DAGLA: variants seen among roughly 807,000 people sequenced by gnomAD.
DAGLA encodes the protein diacylglycerol lipase-alpha.
In DAGLA, 22 loss-of-function variants were observed where a neutral mutation model predicts 102.6. The ratio of observed to expected loss-of-function variants is 0.21; its 90% CI spans 0.15 to 0.31. The LOEUF (loss-of-function observed/expected upper bound fraction) is 0.31, where lower values mean the gene tolerates loss of function less well. Among genes scored for constraint, DAGLA ranks in the 10% least tolerant of loss-of-function variants. DAGLA has a pLI of 1.00. For missense variants in DAGLA, 927 were observed against 1,446.6 expected, an observed-to-expected ratio of 0.64 and a Z score of 5.83; for synonymous variants, 578 against 628.9, an observed-to-expected ratio of 0.92 and a Z score of 1.21.
intron 5 of DAGLA, 124 bp downstream of exon 5, chr11:61,723,696 G>A: frequency 7.8e-7 from 1 of 1,287,528 alleles, no homozygotes; most frequent in Non-Finnish European, 1.1e-6. Context: ...TGTGAGCCGT[G>A]GGCATTAGTC....
intron 16 of DAGLA, among the ~76,000 whole-genome samples, chr11:61,739,243 C>T (rs1356856103): frequency 6.6e-6 from 1 of 152,232 alleles, no homozygotes; most frequent in African/African-American, 2.4e-5. Flanking sequence ...TGTCATCTGT[C>T]CTTGGCACCT....
At chr11:61,731,220 G>A in intron 8 of DAGLA, 97 bp from the exon 9 acceptor site, 1 of 1,493,620 alleles carries the variant, frequency 6.7e-7, no homozygotes, top group Non-Finnish European at 9.1e-7. Context: ...CCTGCCAGGG[G>A]TTGGGTCCGC....
chr11:61,738,244 C>G (rs768883540), intron 16 of DAGLA, 37 bp downstream of exon 16: 1 of 1,557,230 alleles, frequency 6.4e-7, no homozygotes, highest in South Asian at 1.1e-5. Flanking sequence ...TCTGTGCAGC[C>G]TCATCTGTCC....
At chr11:61,717,739 C>T (rs1253413114) in intron 1 of DAGLA, among the ~76,000 whole-genome samples, 1 of 152,184 alleles carries the variant, frequency 6.6e-6, no homozygotes. Context: ...GGGTACCCAG[C>T]AGGGTCGGCC....
chr11:61,737,376 G>T, intron 14 of DAGLA, 52 bp downstream of exon 14: 1 of 1,602,070 alleles, frequency 6.2e-7, no homozygotes. Context: ...ACCAGTGGAG[G>T]CTGAGGGTTG....
Position 61,684,337 on chromosome 11 carries a change from A to G in DAGLA, c.-45+3833A>G, listed in dbSNP as rs2064968763. ...TAAATCTTTTAGAACCGCGGAGCCCAGGACATTGCAGGATGCGGTTACCTC... is the reference window on the plus strand; with the variant it reads ...TAAATCTTTTAGAACCGCGGAGCCCGGGACATTGCAGGATGCGGTTACCTC... On this transcript the variant is annotated intron_variant, in intron 1 of 19. Transcript: ENST00000257215. The surrounding 1 kb of genome is among the most constrained non-coding windows in gnomAD (Gnocchi z 4.5). Among the ~76,000 whole-genome samples the G allele has an allele frequency of 6.6e-6, 1 of 152,252 alleles. No individual in the cohort carries two copies. The highest frequency in any genetic ancestry group is 1.5e-5 in the Non-Finnish European group (1 of 68,044).
At chr11:61,711,144 A>C (rs2065191749) in intron 1 of DAGLA, among the ~76,000 whole-genome samples, 1 of 152,192 alleles carries the variant, frequency 6.6e-6, no homozygotes, top group African/African-American at 2.4e-5. Flanking sequence ...CCACCGGGGC[A>C]GGTAGAAAGG....
intron 1 of DAGLA, among the ~76,000 whole-genome samples, chr11:61,696,491 C>G (rs1251817502): frequency 1.3e-5 from 2 of 152,116 alleles, no homozygotes; most frequent in African/African-American, 4.8e-5. Context: ...ACATGCCTCC[C>G]CTCCCCTTCC....
At chr11:61,695,265 C>T (rs533443843) in intron 1 of DAGLA, among the ~76,000 whole-genome samples, 1 of 150,774 alleles carries the variant, frequency 6.6e-6, no homozygotes, top group Non-Finnish European at 1.5e-5. Context: ...TCTGTTCAAC[C>T]ATCAGGCACC....
chr11:61,745,007 A>G lies in DAGLA; in HGVS notation c.*518A>G, dbSNP rs1379005100. The G allele has an allele frequency of 1.9e-5, 3 of 159,314 alleles. No individual in the cohort carries two copies. Among genetic ancestry groups the G allele is most frequent in the African/African-American group, 4.8e-5 (2 of 41,470 alleles). The allele number at this position is 159,314 out of a possible 1,614,324, so 9.9% of individuals were successfully genotyped here. A position where few individuals can be genotyped will look rare whatever the true frequency, so the allele number is the denominator to read the frequency against. On this transcript the variant is annotated 3_prime_UTR_variant, in exon 20 of 20. Coordinates refer to ENST00000257215, the MANE Select transcript of DAGLA (RefSeq NM_006133.3). The stretch of plus-strand genomic sequence containing the variant: ...GCCGAGGTGGCCTGCAGTGCTGTAC[A>G]TGTTTACAGAAGCTGCTGGGCTTGG...
At position 61,737,724 on chromosome 11, in the gene DAGLA, G is replaced by T. The variant is rs1216751562; in HGVS notation, c.1552G>T (p.Ala518Ser). 6 of 1,613,980 alleles carry T rather than the reference G, an allele frequency of 3.7e-6. No homozygotes were observed. In the Admixed American group the frequency reaches 1.0e-4, roughly 27 times the overall value. ...GGAGTATTCCAAGGAGTTCGTGACT[G>T]CTGTGGTTCTGGGCAAAGACCTCGT... ...AMEYSKEFVTAVVLGKDLVPR... is the reference protein window; with the variant it reads ...AMEYSKEFVTSVVLGKDLVPR... The change falls in exon 15 of 20, where the codon GCT becomes TCT. Residue 518 changes from alanine (A) to serine (S), a missense_variant. Physicochemically the swap from Ala to Ser is moderately conservative, Grantham distance 99. Around this residue, in one of 4 missense-constraint regions of DAGLA, gnomAD observed 218 missense variants for 459.6 expected, o/e 0.47. Transcript: ENST00000257215.
At chr11:61,738,044 A>T (rs2065440484) in intron 15 of DAGLA, 91 bp from the exon 16 acceptor site, 1 of 1,000,454 alleles carries the variant, frequency 1.0e-6, no homozygotes, top group Non-Finnish European at 1.6e-6. Flanking sequence ...TCCAGGGGCT[A>T]GGCGTGTGCC....
Position 61,680,744 on chromosome 11 carries a change from G to A in DAGLA, c.-45+240G>A, listed in dbSNP as rs562505609. On this transcript the variant is annotated intron_variant, in intron 1 of 19. Coordinates refer to ENST00000257215, the MANE Select transcript of DAGLA (RefSeq NM_006133.3). The stretch of plus-strand genomic sequence containing the variant: ...ACGTGGGTCCGGCACAGGCGGCGTG[G>A]TTTTCCTGGAACGGGTCTCAGAAGA... Among the ~76,000 whole-genome samples, 3 of 152,212 alleles carry A rather than the reference G, an allele frequency of 2.0e-5. No individual in the cohort carries two copies. In the East Asian group the frequency reaches 5.8e-4, roughly 30 times the overall value.
Position 61,739,758 on chromosome 11 carries a change from G to C in DAGLA, c.1853+97G>C. 3 of 1,285,454 alleles carry C rather than the reference G, an allele frequency of 2.3e-6. No homozygotes were observed. In the Admixed American group the frequency reaches 6.6e-5, roughly 28 times the overall value. The allele number at this position is 1,285,454 out of a possible 1,614,324, so 79.6% of individuals were successfully genotyped here. A position where few individuals can be genotyped will look rare whatever the true frequency, so the allele number is the denominator to read the frequency against. On this transcript the variant is annotated intron_variant, in intron 17 of 19. Transcript: ENST00000257215. ...CTTGGCTCAATCACCGCTCGGGGCT[G>C]GGGGTGGAGGCTGGGAGAAGATGGC...
In DAGLA at chr11:61,720,212, C is replaced by G; in HGVS notation, c.57C>G (p.Val19=). Residue 19 remains valine (V), a synonymous_variant, in exon 2 of 20, where the codon GTC becomes GTG. Transcript: ENST00000257215. ...RRWSVGSDDL[V]LPAIFLFLLH... is the part of the protein sequence containing the mutation. ...GGTCTGTGGGCAGTGATGACCTCGT[C>G]CTACCGGCCATCTTCCTCTTTCTCC... 6.2e-7 allele frequency: 1 copy of G among 1,613,958 alleles called. No individual in the cohort carries two copies. Among genetic ancestry groups the G allele is most frequent in the South Asian group, 1.1e-5 (1 of 91,082 alleles).
intron 1 of DAGLA, among the ~76,000 whole-genome samples, chr11:61,692,430 G>A (rs982275191): frequency 5.3e-5 from 8 of 152,046 alleles, no homozygotes; most frequent in Non-Finnish European, 1.0e-4. Context: ...GTAGAACTTG[G>A]AACCTAAAAA....
At chr11:61,698,815 T>C (rs1439731035) in intron 1 of DAGLA, among the ~76,000 whole-genome samples, 1 of 152,166 alleles carries the variant, frequency 6.6e-6, no homozygotes, top group Non-Finnish European at 1.5e-5. Flanking sequence ...GAGCCCGGAA[T>C]GGAGGGGGCA....
At chr11:61,698,801 T>C (rs1281314380) in intron 1 of DAGLA, among the ~76,000 whole-genome samples, 1 of 152,122 alleles carries the variant, frequency 6.6e-6, no homozygotes, top group Non-Finnish European at 1.5e-5. Context: ...CCCAGCCCAG[T>C]GGGGAGCCCG....
Position 61,720,820 on chromosome 11 carries a change from G to A in DAGLA, c.237G>A (p.Leu79=), listed in dbSNP as rs2065275320. 4 of 1,613,562 alleles carry A rather than the reference G, an allele frequency of 2.5e-6. No individual in the cohort carries two copies. The highest frequency in any genetic ancestry group is 1.7e-5 in the Admixed American group (1 of 60,006). Residue 79 remains leucine (L), a synonymous_variant, in exon 3 of 20, where the codon CTG becomes CTA. Coordinates refer to ENST00000257215, the MANE Select transcript of DAGLA (RefSeq NM_006133.3). ...TCGCTGAGATGGCCATCATCTGGCT[G>A]AGCATGCGCGGGGGCATCCTCTACA... The part of the protein sequence containing the change: ...CMIAEMAIIW[L]SMRGGILYTE...
Sources: gnomAD v4.1 joint callset for allele counts (sites outside exome capture counted in the v4.1 genomes callset) on GRCh38, gnomAD v4.1.1 for gene constraint, gnomAD v4.1.1 regional missense constraint, Gnocchi (gnomAD v3.1) non-coding constraint, MANE v1.5 for transcripts, NCBI Gene and HGNC (gene_info 2026-07-23, HGNC 2026-07-21) for gene names.